The following EDEM3 variants were observed in gnomAD, a reference collection of about 807,000 sequenced individuals.
EDEM3 encodes ER degradation enhancing alpha-mannosidase like protein 3.
A neutral mutation model predicts 110.2 loss-of-function variants in EDEM3; 60 were observed. The ratio of observed to expected loss-of-function variants is 0.54; its 90% CI spans 0.44 to 0.67. The LOEUF is 0.67. Ranked by LOEUF, EDEM3 falls within the 30% of genes least tolerant of loss-of-function variation. The pLI, the probability that EDEM3 is intolerant of heterozygous loss-of-function variation, is 0.00. For missense variants in EDEM3, 996 were observed against 1,121.0 expected (o/e 0.89, Z 1.59); for synonymous variants, 352 against 382.9 (o/e 0.92, Z 0.94).
chr1:184,754,716 C>G lies in EDEM3; in HGVS notation c.-70G>C, dbSNP rs1160527073. On this transcript the variant is annotated 5_prime_UTR_variant, in exon 1 of 20. Transcript: ENST00000318130. ...GAGACACATTGCTGGACGCTGGTGG[C>G]CAGGGGGCTGCTAGCCGTGCCGAGA... The G allele has an allele frequency of 1.4e-6, 2 of 1,446,768 alleles. No homozygotes were observed. Among genetic ancestry groups the G allele is most frequent in the African/African-American group, 1.5e-5 (1 of 67,716 alleles). The allele number at this position is 1,446,768 out of a possible 1,614,324, so 89.6% of individuals were successfully genotyped here.
At chr1:184,747,362 T>C (rs996440298) in intron 2 of EDEM3, among the ~76,000 whole-genome samples, 4 of 152,132 alleles carry the variant, frequency 2.6e-5, no homozygotes, top group African/African-American at 9.7e-5. Flanking sequence ...TGTTTCTGAG[T>C]GTAGGGACCG....
chr1:184,702,596 T>C (rs1649684302), intron 19 of EDEM3, among the ~76,000 whole-genome samples: 1 of 152,158 alleles, frequency 6.6e-6, no homozygotes, highest in Non-Finnish European at 1.5e-5. Context: ...TAAAAACATA[T>C]GTCTAAAAAC....
At position 184,712,456 on chromosome 1, in the gene EDEM3, G is replaced by C; in HGVS notation, c.1513C>G (p.Gln505Glu). The C allele has an allele frequency of 6.3e-7, 1 of 1,594,238 alleles. No homozygotes were observed. The highest frequency in any genetic ancestry group is 8.5e-7 in the Non-Finnish European group (1 of 1,174,772). The change falls in exon 14 of 20, where the codon CAA becomes GAA. Residue 505 changes from glutamine (Q) to glutamate (E), a missense_variant. Physicochemically the swap from Gln to Glu is conservative, Grantham distance 29 (BLOSUM62 2). Coordinates refer to ENST00000318130, the MANE Select transcript of EDEM3 (RefSeq NM_025191.4). ...LLPLWLSTTN[Q>E]SISKKNTTSE... ...ACTGTGTTCTTTTTAGAGATGCTTT[G>C]ATTTGTAGTAGAGAGCCAAAGAGGT...
At chr1:184,727,208 T>C (rs1173401725) in intron 6 of EDEM3, among the ~76,000 whole-genome samples, 1 of 152,176 alleles carries the variant, frequency 6.6e-6, no homozygotes, top group African/African-American at 2.4e-5. Flanking sequence ...ACGAATCTCT[T>C]GAACTTGGGA....
chr1:184,742,134 A>C (rs1652178587), intron 2 of EDEM3, among the ~76,000 whole-genome samples: 1 of 152,188 alleles, frequency 6.6e-6, no homozygotes, highest in Non-Finnish European at 1.5e-5. Flanking sequence ...CAGGAACACT[A>C]AACACATAGG....
rs1204631819 is a variant in EDEM3 at position 184,690,487 on chromosome 1, CAAATTA to C, written c.*3570_*3575del. The C allele has an allele frequency of 1.3e-5, 2 of 152,058 alleles. No homozygotes were observed. Among genetic ancestry groups the C allele is most frequent in the African/African-American group, 4.8e-5 (2 of 41,284 alleles). 9.4% of individuals were successfully genotyped at this position (152,058 alleles called of 1,614,324 possible). On this transcript the variant is annotated 3_prime_UTR_variant, in exon 20 of 20. Coordinates refer to ENST00000318130, the MANE Select transcript of EDEM3 (RefSeq NM_025191.4). Reference sequence around the variant, plus strand: ...GATATGCACAGTGATTCTAAAAATTCAAATTAAAACTAAACTGGAATATTTACATAT... The same window carrying C: ...GATATGCACAGTGATTCTAAAAATTCAAACTAAACTGGAATATTTACATAT...
intron 4 of EDEM3, among the ~76,000 whole-genome samples, chr1:184,734,957 C>T (rs1651741871): frequency 6.6e-6 from 1 of 152,134 alleles, no homozygotes; most frequent in Admixed American, 6.6e-5. Context: ...TAGAATTTGG[C>T]TTCTAAGTCA....
At chr1:184,722,234 C>A (rs1650943914) in intron 8 of EDEM3, among the ~76,000 whole-genome samples, 1 of 151,978 alleles carries the variant, frequency 6.6e-6, no homozygotes, top group Non-Finnish European at 1.5e-5. Flanking sequence ...TAAGACACAA[C>A]ATTTTTCTAG....
At chr1:184,706,576 TA>T (rs1649939238) in intron 18 of EDEM3, 66 bp downstream of exon 18, 1 of 1,405,680 alleles carries the variant, frequency 7.1e-7, no homozygotes. Flanking sequence ...TTTTAGAAAA[TA>T]AAAGGGAAAA....
At chr1:184,750,781 G>A (rs1652720109) in intron 1 of EDEM3, among the ~76,000 whole-genome samples, 1 of 152,056 alleles carries the variant, frequency 6.6e-6, no homozygotes, top group African/African-American at 2.4e-5. Context: ...CCAAAGTGCT[G>A]GGATTACAGG....
intron 2 of EDEM3, 107 bp downstream of exon 2, chr1:184,749,440 C>T: frequency 1.1e-6 from 1 of 918,364 alleles, no homozygotes; most frequent in Non-Finnish European, 1.6e-6. Flanking sequence ...TAAAAACTTC[C>T]TTTTAAAAAA....
intron 1 of EDEM3, among the ~76,000 whole-genome samples, chr1:184,753,673 C>T (rs1482711037): frequency 6.6e-6 from 1 of 152,098 alleles, no homozygotes; most frequent in African/African-American, 2.4e-5. Context: ...TGGGCAAAAA[C>T]CAGCTAGCTC....
intron 19 of EDEM3, among the ~76,000 whole-genome samples, chr1:184,698,246 T>C (rs1048652308): frequency 2.6e-5 from 4 of 151,824 alleles, no homozygotes; most frequent in East Asian, 3.9e-4. Context: ...ACGACCCATA[T>C]ACTTTCTGCC....
chr1:184,709,005 T>C (rs1381880799), intron 16 of EDEM3, among the ~76,000 whole-genome samples: 1 of 152,078 alleles, frequency 6.6e-6, no homozygotes, highest in Non-Finnish European at 1.5e-5. Context: ...ATAAGATGAT[T>C]CCTGATACTT....
intron 1 of EDEM3, among the ~76,000 whole-genome samples, chr1:184,753,938 T>C (rs892177133): frequency 6.6e-6 from 1 of 152,212 alleles, no homozygotes; most frequent in African/African-American, 2.4e-5. Context: ...TTGAGACTTT[T>C]GAATAATTTC....
At chr1:184,744,268 AT>A (rs1652301074) in intron 2 of EDEM3, among the ~76,000 whole-genome samples, 1 of 115,336 alleles carries the variant, frequency 8.7e-6, no homozygotes, top group African/African-American at 3.7e-5. Context: ...ATATATATAT[AT>A]ATATATATAT....
intron 2 of EDEM3, among the ~76,000 whole-genome samples, chr1:184,749,300 T>C (rs1008389005): frequency 4.6e-5 from 7 of 152,166 alleles, no homozygotes; most frequent in African/African-American, 1.4e-4. Context: ...TCAATGATAA[T>C]TGTTGATGGC....
In EDEM3 at chr1:184,731,679, T is replaced by C. The variant is rs115315903; in HGVS notation, c.612+1158A>G. Among the ~76,000 whole-genome samples the C allele has an allele frequency of 2.8e-3, 425 of 152,384 alleles. 5 individuals are homozygous for C. The East Asian group carries it at 0.035, about 13-fold the overall frequency. On this transcript the variant is annotated intron_variant, in intron 6 of 19. Transcript: ENST00000318130. ...ACCTACATACTAACTGCTTCAATTATATCTTCTACACAAATAATTCTGTGC... is the reference window on the plus strand; with the variant it reads ...ACCTACATACTAACTGCTTCAATTACATCTTCTACACAAATAATTCTGTGC...
intron 2 of EDEM3, among the ~76,000 whole-genome samples, chr1:184,744,744 C>T (rs965142929): frequency 1.3e-5 from 2 of 152,004 alleles, no homozygotes; most frequent in African/African-American, 4.8e-5. Context: ...ATAAGAATTA[C>T]AATATATCTC....
Sources: gnomAD v4.1 joint callset for allele counts (sites outside exome capture counted in the v4.1 genomes callset) on GRCh38, gnomAD v4.1.1 for gene constraint, MANE v1.5 for transcripts, NCBI Gene and HGNC (gene_info 2026-07-23, HGNC 2026-07-21) for gene names.